The following GTF2H5 variants were observed in gnomAD, a reference collection of about 807,000 sequenced individuals.
GTF2H5 encodes TFB5 ortholog.
In GTF2H5, 5 loss-of-function variants were observed where a neutral mutation model predicts 7.1. That is an observed-to-expected ratio of 0.71 (90% CI 0.37 to 1.49). The LOEUF is 1.49. Among genes scored for constraint, GTF2H5 ranks in the 40% most tolerant of loss-of-function variants. GTF2H5 has a pLI of 0.03. For missense variants in GTF2H5, 80 were observed against 83.0 expected, an observed-to-expected ratio of 0.96 and a Z score of 0.14; for synonymous variants, 30 against 31.7, an observed-to-expected ratio of 0.95 and a Z score of 0.18.
At chr6:158,187,833 TG>T (rs905239321) in intron 2 of GTF2H5, among the ~76,000 whole-genome samples, 49 of 152,302 alleles carry the variant, frequency 3.2e-4, no homozygotes, top group South Asian at 1.0e-3. Context: ...CCCAAAGTGC[TG>T]GGATTACAGG....
At chr6:158,180,394 T>G (rs1020073322) in intron 2 of GTF2H5, among the ~76,000 whole-genome samples, 3 of 152,248 alleles carry the variant, frequency 2.0e-5, no homozygotes, top group Non-Finnish European at 4.4e-5. Context: ...CAAAATGAGT[T>G]AGGGAGGATT....
rs1491337855 is a variant in GTF2H5 at position 158,169,447 on chromosome 6, T to TATATC, written c.-34-1019_-34-1018insCATAT. On this transcript the variant is annotated intron_variant, in intron 1 of 2. Transcript: ENST00000607778. The stretch of plus-strand genomic sequence containing the variant: ...ATAATATATTGTATATTATATATAT[T>TATATC]ATATATTATATATATTATATTGTAT... Among the ~76,000 whole-genome samples the TATATC allele has an allele frequency of 5.2e-5, 4 of 77,234 alleles. 1 individual carries two copies. The highest frequency in any genetic ancestry group is 2.7e-4 in the African/African-American group (4 of 14,928). 50.7% of individuals were successfully genotyped at this position (77,234 alleles called of 152,430 possible).
chr6:158,171,202 A>G (rs150375771), intron 2 of GTF2H5, among the ~76,000 whole-genome samples: 19 of 152,370 alleles, frequency 1.2e-4, no homozygotes, highest in Non-Finnish European at 2.2e-4. Context: ...AGCCACAGAT[A>G]TAGTCTTACA....
At chr6:158,169,724 T>TATAATATAC in intron 1 of GTF2H5, among the ~76,000 whole-genome samples, 4 of 104,140 alleles carry the variant, frequency 3.8e-5, no homozygotes, top group African/African-American at 1.7e-4. Flanking sequence ...ATATATTATA[T>TATAATATAC]AATATATTGT....
At chr6:158,170,100 T>C (rs1785833172) in intron 1 of GTF2H5, among the ~76,000 whole-genome samples, 2 of 152,046 alleles carry the variant, frequency 1.3e-5, no homozygotes, top group Admixed American at 1.3e-4. Context: ...ACTATCTTCT[T>C]TGATTCCTGT....
chr6:158,169,934 C>A (rs527258243), intron 1 of GTF2H5, among the ~76,000 whole-genome samples: 6 of 149,766 alleles, frequency 4.0e-5, no homozygotes, highest in African/African-American at 1.2e-4. Flanking sequence ...GTGGGAGGAT[C>A]GCTTGAACCC....
At chr6:158,191,940 A>T (rs1314203403) in intron 2 of GTF2H5, 37 bp from the exon 3 acceptor site, 1 of 1,550,652 alleles carries the variant, frequency 6.4e-7, no homozygotes. Flanking sequence ...GTGATTTGAC[A>T]ACAAGCTGTC....
At chr6:158,169,745 T>TTATATAATATATTATATATTA (rs1785807118) in intron 1 of GTF2H5, among the ~76,000 whole-genome samples, 1 of 54,052 alleles carries the variant, frequency 1.9e-5, no homozygotes, top group African/African-American at 1.0e-4. Context: ...ATATTATATA[T>TTATATAATATATTATATATTA]TATATAATAT....
At chr6:158,177,237 A>T (rs1352729827) in intron 2 of GTF2H5, among the ~76,000 whole-genome samples, 2 of 152,246 alleles carry the variant, frequency 1.3e-5, no homozygotes, top group African/African-American at 4.8e-5. Context: ...AGTACCTACT[A>T]TGAGCAAGAT....
At chr6:158,188,033 G>C (rs1367959898) in intron 2 of GTF2H5, among the ~76,000 whole-genome samples, 4 of 152,200 alleles carry the variant, frequency 2.6e-5, no homozygotes, top group Non-Finnish European at 5.9e-5. Flanking sequence ...TTGGCAGATG[G>C]GGGGTGGGGT....
In GTF2H5 at chr6:158,194,270, T is replaced by G. The variant is rs1305702610; in HGVS notation, c.*2113T>G. 1 of 152,198 alleles carries G rather than the reference T, an allele frequency of 6.6e-6. No homozygotes were observed. The highest frequency in any genetic ancestry group is 2.4e-5 in the African/African-American group (1 of 41,466). 9.4% of individuals were successfully genotyped at this position (152,198 alleles called of 1,614,324 possible). A position where few individuals can be genotyped will look rare whatever the true frequency, so the allele number is the denominator to read the frequency against. ...GAGCAAGTTAGAGGAACGCCACACTTTGAGACGAATTTAAAAGTCCTTTAT... is the reference window on the plus strand; with the variant it reads ...GAGCAAGTTAGAGGAACGCCACACTGTGAGACGAATTTAAAAGTCCTTTAT... On this transcript the variant is annotated 3_prime_UTR_variant, in exon 3 of 3. Transcript: ENST00000607778.
At chr6:158,168,627 TG>T (rs1427418899) in intron 1 of GTF2H5, among the ~76,000 whole-genome samples, 1 of 152,004 alleles carries the variant, frequency 6.6e-6, no homozygotes, top group African/African-American at 2.4e-5. Context: ...TGCGCCCAGG[TG>T]TAAGTGGAAG....
intron 2 of GTF2H5, among the ~76,000 whole-genome samples, chr6:158,182,067 C>A (rs188213623): frequency 6.6e-6 from 1 of 152,226 alleles, no homozygotes; most frequent in East Asian, 1.9e-4. Flanking sequence ...TAAGACAGGC[C>A]TGATGGTGAC....
chr6:158,169,424 A>ATTAT (rs1785727184), intron 1 of GTF2H5, among the ~76,000 whole-genome samples: 1 of 76,738 alleles, frequency 1.3e-5, no homozygotes, highest in African/African-American at 6.3e-5. Flanking sequence ...TATTATATAT[A>ATTAT]ATATATTGTA....
At chr6:158,169,404 GTATATTATATATTATATATAA>G (rs1785723629) in intron 1 of GTF2H5, among the ~76,000 whole-genome samples, 2 of 77,200 alleles carry the variant, frequency 2.6e-5, no homozygotes, top group African/African-American at 1.1e-4. Flanking sequence ...ATATTATATT[GTATATTATATATTATATATAA>G]TATATTGTAT....
intron 2 of GTF2H5, among the ~76,000 whole-genome samples, chr6:158,172,316 C>CT (rs879859644): frequency 0.011 from 1,534 of 140,486 alleles, 26 homozygotes; most frequent in African/African-American, 0.031. Flanking sequence ...AAATTAGCTT[C>CT]TTTTTTTTTT....
chr6:158,179,950 TAC>T (rs1436028512), intron 2 of GTF2H5, among the ~76,000 whole-genome samples: 2 of 152,196 alleles, frequency 1.3e-5, no homozygotes, highest in Non-Finnish European at 2.9e-5. Context: ...TTTTTGCCCA[TAC>T]AGTATGATAT....
chr6:158,194,852 A>G lies in GTF2H5; in HGVS notation c.*2695A>G, dbSNP rs1432106012. 1 of 152,242 alleles carries G rather than the reference A, an allele frequency of 6.6e-6. No homozygotes were observed. Among genetic ancestry groups the G allele is most frequent in the Non-Finnish European group, 1.5e-5 (1 of 68,034 alleles). The allele number at this position is 152,242 out of a possible 1,614,324, so 9.4% of individuals were successfully genotyped here. On this transcript the variant is annotated 3_prime_UTR_variant, in exon 3 of 3. Transcript: ENST00000607778. The stretch of plus-strand genomic sequence containing the variant: ...GTTAGGTATTAGAACTGCAAAGAGT[A>G]TTAAGTGAAATAAGTGAAGGAAAAT...
chr6:158,169,508 T>TATACA (rs1562468434), intron 1 of GTF2H5, among the ~76,000 whole-genome samples: 3 of 67,318 alleles, frequency 4.5e-5, no homozygotes, highest in South Asian at 4.5e-4. Context: ...TATAATATAT[T>TATACA]GTATATTATA....
Sources: gnomAD v4.1 joint callset for allele counts (sites outside exome capture counted in the v4.1 genomes callset) on GRCh38, gnomAD v4.1.1 for gene constraint, MANE v1.5 for transcripts, NCBI Gene and HGNC (gene_info 2026-07-23, HGNC 2026-07-21) for gene names.